Variants in SCAPER observed in about 807,000 individuals in gnomAD.
SCAPER encodes the protein S-phase cyclin A associated protein in the ER, also known as S phase cyclin A-associated protein in the endoplasmic reticulum.
SCAPER carries 98 observed loss-of-function variants against 182.2 expected under a neutral mutation model. That is an observed-to-expected ratio of 0.54 (90% CI 0.46 to 0.64). The LOEUF (loss-of-function observed/expected upper bound fraction) is 0.64, where lower values mean the gene tolerates loss of function less well. SCAPER is among the 30% of genes least tolerant of loss of function. The pLI is 0.00. For missense variants in SCAPER, 1,432 were observed against 1,690.0 expected (o/e 0.85, Z 2.68); for synonymous variants, 605 against 564.6 (o/e 1.07, Z -1.01).
intron 20 of SCAPER, among the ~76,000 whole-genome samples, chr15:76,684,798 C>T (rs1244059535): frequency 6.6e-6 from 1 of 151,528 alleles, no homozygotes; most frequent in African/African-American, 2.4e-5. Context: ...CAAGAAAGGA[C>T]CAGGACCAGA....
intron 20 of SCAPER, among the ~76,000 whole-genome samples, chr15:76,672,759 G>T (rs1022823529): frequency 6.6e-5 from 10 of 151,924 alleles, no homozygotes; most frequent in African/African-American, 2.2e-4. Context: ...CAAGAGAAAA[G>T]ATCAAATATT....
At chr15:76,628,700 T>C (rs747391246) in intron 21 of SCAPER, among the ~76,000 whole-genome samples, 1 of 152,214 alleles carries the variant, frequency 6.6e-6, no homozygotes, top group Admixed American at 6.5e-5. Context: ...TGAAGTTGGG[T>C]AGCGCGATGT....
intron 23 of SCAPER, among the ~76,000 whole-genome samples, chr15:76,573,514 T>C (rs749388145): frequency 1.9e-4 from 29 of 152,286 alleles, no homozygotes; most frequent in South Asian, 8.3e-4. Flanking sequence ...AAATGTGATA[T>C]GTTCATTCCA....
At chr15:76,468,256 T>C (rs1338938395) in intron 25 of SCAPER, among the ~76,000 whole-genome samples, 1 of 152,070 alleles carries the variant, frequency 6.6e-6, no homozygotes, top group African/African-American at 2.4e-5. Flanking sequence ...ACAGTAAGAA[T>C]TGACAGCGAT....
Position 76,841,724 on chromosome 15 carries a change from C to T in SCAPER, c.393+10G>A, listed in dbSNP as rs757722500. ...TCAAATGGATTACAAGGCCTCAAAGCAAACCTTACCTTACATTCGACCACA... is the reference window on the plus strand; with the variant it reads ...TCAAATGGATTACAAGGCCTCAAAGTAAACCTTACCTTACATTCGACCACA... On this transcript the variant is annotated intron_variant, in intron 5 of 31. Coordinates refer to ENST00000563290, the MANE Select transcript of SCAPER (RefSeq NM_020843.4). The T allele has an allele frequency of 6.2e-7, 1 of 1,613,192 alleles. No individual in the cohort carries two copies. Among genetic ancestry groups the T allele is most frequent in the South Asian group, 1.1e-5 (1 of 91,010 alleles).
intron 27 of SCAPER, among the ~76,000 whole-genome samples, chr15:76,404,285 T>C (rs948784885): frequency 1.3e-5 from 2 of 152,084 alleles, no homozygotes; most frequent in African/African-American, 4.8e-5. Context: ...AGGTCTCTTC[T>C]AGCAATGACA....
chr15:76,518,374 A>AAT (rs998214125), intron 23 of SCAPER, among the ~76,000 whole-genome samples: 1 of 152,128 alleles, frequency 6.6e-6, no homozygotes, highest in Admixed American at 6.6e-5. Flanking sequence ...TATTTATTGC[A>AAT]ATATATATAT....
intron 14 of SCAPER, among the ~76,000 whole-genome samples, chr15:76,754,223 C>CA (rs2062270470): frequency 6.6e-6 from 1 of 152,022 alleles, no homozygotes; most frequent in Non-Finnish European, 1.5e-5. Context: ...TTACCTAACT[C>CA]ACAGGATTAT....
At chr15:76,802,844 G>T (rs1305544386) in intron 6 of SCAPER, among the ~76,000 whole-genome samples, 6 of 152,118 alleles carry the variant, frequency 3.9e-5, no homozygotes, top group African/African-American at 7.2e-5. Context: ...ATATGACTTG[G>T]CAAGTTTACC....
At chr15:76,695,481 C>T (rs1440983195) in intron 20 of SCAPER, among the ~76,000 whole-genome samples, 1 of 151,558 alleles carries the variant, frequency 6.6e-6, no homozygotes, top group African/African-American at 2.4e-5. Flanking sequence ...CCTGTAGTCC[C>T]AGCTACTTGG....
intron 24 of SCAPER, among the ~76,000 whole-genome samples, chr15:76,489,268 T>G (rs2052035683): frequency 7.1e-6 from 1 of 140,150 alleles, no homozygotes; most frequent in Non-Finnish European, 1.6e-5. Context: ...TGCACCAACC[T>G]AATATTATTT....
At chr15:76,460,734 T>C (rs933669245) in intron 25 of SCAPER, among the ~76,000 whole-genome samples, 2 of 152,182 alleles carry the variant, frequency 1.3e-5, no homozygotes, top group African/African-American at 4.8e-5. Context: ...ACTACATTAA[T>C]TCCTATTGAT....
chr15:76,727,849 C>T (rs990785891), intron 17 of SCAPER, among the ~76,000 whole-genome samples: 1 of 150,254 alleles, frequency 6.7e-6, no homozygotes, highest in Non-Finnish European at 1.5e-5. Context: ...CCCTAAACAT[C>T]AATAAGAAAA....
intron 14 of SCAPER, among the ~76,000 whole-genome samples, chr15:76,755,989 C>G (rs1381519761): frequency 6.6e-6 from 1 of 152,152 alleles, no homozygotes; most frequent in East Asian, 1.9e-4. Flanking sequence ...AGCAGTGGCT[C>G]ACGCCTGTAA....
Position 76,817,735 on chromosome 15 carries a change from C to T in SCAPER, c.394-13102G>A, listed in dbSNP as rs113678718. 6.7e-3 allele frequency among the ~76,000 whole-genome samples: 1,014 copies of T among 151,698 alleles called. 13 individuals carry two copies. Among genetic ancestry groups the T allele is most frequent in the African/African-American group, 0.023 (968 of 41,348 alleles). On this transcript the variant is annotated intron_variant, in intron 5 of 31. Coordinates refer to ENST00000563290, the MANE Select transcript of SCAPER (RefSeq NM_020843.4). ...ACAGAATACCATTTACATTAACACCCCAAAATATGAAATACTTAGGTATAA... is the reference window on the plus strand; with the variant it reads ...ACAGAATACCATTTACATTAACACCTCAAAATATGAAATACTTAGGTATAA...
At chr15:76,502,085 A>T (rs1234703410) in intron 24 of SCAPER, among the ~76,000 whole-genome samples, 2 of 152,186 alleles carry the variant, frequency 1.3e-5, no homozygotes, top group African/African-American at 4.8e-5. Context: ...AGAATCTTAG[A>T]GTCAATGCTG....
intron 22 of SCAPER, among the ~76,000 whole-genome samples, chr15:76,607,354 T>C (rs562335387): frequency 6.6e-6 from 1 of 152,362 alleles, no homozygotes; most frequent in South Asian, 2.1e-4. Flanking sequence ...CCCCACTCTC[T>C]TCTGGCTTGT....
chr15:76,736,112 A>G (rs1340870646), intron 15 of SCAPER, among the ~76,000 whole-genome samples: 1 of 152,254 alleles, frequency 6.6e-6, no homozygotes, highest in Non-Finnish European at 1.5e-5. Context: ...ATGAATTATC[A>G]AATTTCCCAA....
chr15:76,703,274 A>G (rs993837993), intron 18 of SCAPER, among the ~76,000 whole-genome samples: 1 of 152,214 alleles, frequency 6.6e-6, no homozygotes, highest in Admixed American at 6.5e-5. Context: ...AGCTAAAACT[A>G]AACAGGTTTT....
Sources: allele counts gnomAD v4.1 joint callset (sites outside exome capture counted in the v4.1 genomes callset), GRCh38; gene constraint gnomAD v4.1.1; transcripts MANE v1.5; gene names NCBI Gene and HGNC (gene_info 2026-07-23, HGNC 2026-07-21).